Variants in LMNB2 observed in about 807,000 individuals in gnomAD.
The protein encoded by LMNB2 is lamin B2, also known as lamin-B2.
A neutral mutation model predicts 69.3 loss-of-function variants in LMNB2; 17 were observed. The observed-to-expected ratio is 0.25, with a 90% confidence interval of 0.17 to 0.37. The LOEUF is 0.37. Among genes scored for constraint, LMNB2 ranks in the 10% least tolerant of loss-of-function variants. The probability of loss-of-function intolerance (pLI) is 1.00; values close to 1 mark genes in which losing one functional copy is unlikely to be tolerated. For missense variants in LMNB2, 789 were observed against 883.6 expected (o/e 0.89, Z 1.36); for synonymous variants, 397 against 389.3 (o/e 1.02, Z -0.23).
chr19:2,442,897 A>G (rs1245606912), intron 2 of LMNB2, among the ~76,000 whole-genome samples: 1 of 152,228 alleles, frequency 6.6e-6, no homozygotes. Flanking sequence ...GTACATTTCA[A>G]CATCTTAAAG....
In LMNB2 at chr19:2,453,129, C is replaced by G. The variant is rs560887762; in HGVS notation, c.264+3541G>C. Among the ~76,000 whole-genome samples the G allele has an allele frequency of 6.6e-6, 1 of 152,046 alleles. No homozygotes were observed. The highest frequency in any genetic ancestry group is 6.6e-5 in the Admixed American group (1 of 15,266). ...CGTGGGGGCCAGGTGATTCTCTTCT[C>G]GGGGCGCTGAGCAGTACCCAGCCTC... On this transcript the variant is annotated intron_variant, in intron 1 of 11. Coordinates refer to ENST00000325327, the MANE Select transcript of LMNB2 (RefSeq NM_032737.4). This position sits in a 1 kb window ranked among gnomAD's most constrained non-coding sequence, Gnocchi z 4.4.
chr19:2,439,784 A>G (rs565694863), intron 2 of LMNB2, among the ~76,000 whole-genome samples: 101 of 150,010 alleles, frequency 6.7e-4, no homozygotes, highest in Admixed American at 3.1e-3. Context: ...CCCAGGCTGG[A>G]TTGCAATGGC....
intron 1 of LMNB2, among the ~76,000 whole-genome samples, chr19:2,448,352 C>T (rs1224182790): frequency 6.6e-6 from 1 of 152,214 alleles, no homozygotes; most frequent in Non-Finnish European, 1.5e-5. Context: ...TCTCCTGTCC[C>T]CACAGAGAGA....
rs536715018 is a variant in LMNB2 at position 2,453,056 on chromosome 19, G to C, written c.264+3614C>G. Among the ~76,000 whole-genome samples, 6 of 150,092 alleles carry C rather than the reference G, an allele frequency of 4.0e-5. No individual in the cohort carries two copies. Among genetic ancestry groups the C allele is most frequent in the East Asian group, 3.9e-4 (2 of 5,074 alleles). The stretch of plus-strand genomic sequence containing the variant: ...GGCTGGGTCATCCTCGTGGGGGCTG[G>C]GTCATCCTCATGGGGCTGGGTCATC... On this transcript the variant is annotated intron_variant, in intron 1 of 11. Coordinates refer to ENST00000325327, the MANE Select transcript of LMNB2 (RefSeq NM_032737.4). The surrounding 1 kb of genome is among the most constrained non-coding windows in gnomAD (Gnocchi z 4.4).
rs530902191 is a variant in LMNB2, at chr19:2,434,826, C to T, written c.943G>A (p.Glu315Lys). ...EELKEARMRLESLSYQLSGLQ... is the reference protein window; with the variant it reads ...EELKEARMRLKSLSYQLSGLQ... ...CCGGAGAGCTGGTAGCTGAGGGACT[C>T]CAGGCGCATGCGGGCCTCCTTCAGC... Residue 315 changes from glutamate (E) to lysine (K), a missense_variant, in exon 6 of 12, where the codon GAG (glutamate) becomes AAG (lysine). Physicochemically the swap from Glu to Lys is moderately conservative, Grantham distance 56. Transcript: ENST00000325327. The T allele has an allele frequency of 2.5e-6, 4 of 1,609,078 alleles. No homozygotes were observed. In the African/African-American group the frequency reaches 5.3e-5, roughly 21 times the overall value.
chr19:2,444,261 G>T, intron 2 of LMNB2, 143 bp downstream of exon 2: 1 of 959,926 alleles, frequency 1.0e-6, no homozygotes, highest in Non-Finnish European at 1.6e-6. Context: ...GCAGCCACTG[G>T]TGGGGGAGAG....
chr19:2,430,715 C>T lies in LMNB2; in HGVS notation c.*196G>A. On this transcript the variant is annotated 3_prime_UTR_variant, in exon 12 of 12. Coordinates refer to ENST00000325327, the MANE Select transcript of LMNB2 (RefSeq NM_032737.4). ...GGGTGGGATTGAAAAGTCTCCGGGGCAGCGGCGAAGTGGCAGCGAAGTGAG... is the reference window on the plus strand; with the variant it reads ...GGGTGGGATTGAAAAGTCTCCGGGGTAGCGGCGAAGTGGCAGCGAAGTGAG... The T allele has an allele frequency of 1.5e-6, 1 of 667,794 alleles. No individual in the cohort carries two copies. The highest frequency in any genetic ancestry group is 2.8e-6 in the Non-Finnish European group (1 of 361,476). The allele number at this position is 667,794 out of a possible 1,614,324, so 41.4% of individuals were successfully genotyped here.
chr19:2,446,668 G>A (rs1050061300), intron 1 of LMNB2, among the ~76,000 whole-genome samples: 1 of 152,228 alleles, frequency 6.6e-6, no homozygotes, highest in African/African-American at 2.4e-5. Context: ...CGCAGGTGCG[G>A]GCGAGTACGC....
intron 2 of LMNB2, among the ~76,000 whole-genome samples, chr19:2,442,842 A>G (rs1222070078): frequency 2.0e-5 from 3 of 151,876 alleles, no homozygotes; most frequent in Non-Finnish European, 4.4e-5. Flanking sequence ...ACTGTGTACC[A>G]TTTTCTTTTT....
chr19:2,434,157 C>A, intron 7 of LMNB2, 52 bp from the exon 8 acceptor site: 1 of 1,556,862 alleles, frequency 6.4e-7, no homozygotes, highest in East Asian at 2.4e-5. Flanking sequence ...CCAGACAGCC[C>A]AGGGCACGCA....
At chr19:2,434,609 A>G (rs1438735384) in intron 6 of LMNB2, 94 bp from the exon 7 acceptor site, 1 of 1,513,326 alleles carries the variant, frequency 6.6e-7, no homozygotes, top group Non-Finnish European at 8.9e-7. Context: ...CTCACCACAG[A>G]CTGGGGCAGA....
chr19:2,430,787 C>A lies in LMNB2; in HGVS notation c.*124G>T. On this transcript the variant is annotated 3_prime_UTR_variant, in exon 12 of 12. Transcript: ENST00000325327. ...GGGAGGGCTGGGGGAGACCCACCCA[C>A]ACGTTCTGGCAGTTCGCTTAGAAAT... The A allele has an allele frequency of 1.3e-6, 1 of 789,184 alleles. No individual in the cohort carries two copies. The highest frequency in any genetic ancestry group is 2.3e-6 in the Non-Finnish European group (1 of 440,190). 48.9% of individuals were successfully genotyped at this position (789,184 alleles called of 1,614,324 possible). A position where few individuals can be genotyped will look rare whatever the true frequency, so the allele number is the denominator to read the frequency against.
chr19:2,432,328 A>ACC, intron 9 of LMNB2, 88 bp downstream of exon 9: 12 of 384,252 alleles, frequency 3.1e-5, no homozygotes, highest in South Asian at 8.2e-5. Context: ...ATCCCCACCC[A>ACC]CCCCCGCCAA....
intron 2 of LMNB2, among the ~76,000 whole-genome samples, chr19:2,442,884 C>T (rs1015125156): frequency 6.6e-6 from 1 of 152,286 alleles, no homozygotes; most frequent in East Asian, 1.9e-4. Flanking sequence ...AAATTCACAT[C>T]CTGTACATTT....
intron 4 of LMNB2, 62 bp from the exon 5 acceptor site, chr19:2,435,233 G>C: frequency 6.3e-7 from 1 of 1,586,194 alleles, no homozygotes; most frequent in Non-Finnish European, 8.5e-7. Flanking sequence ...AGGCCCAAGG[G>C]AGGGCTCAAA....
chr19:2,436,283 A>G (rs1971820323), intron 4 of LMNB2, among the ~76,000 whole-genome samples: 1 of 152,208 alleles, frequency 6.6e-6, no homozygotes, highest in South Asian at 2.1e-4. Flanking sequence ...ACTCCGTCTC[A>G]AAAGAAAAAA....
chr19:2,433,954 G>C lies in LMNB2; in HGVS notation c.1354C>G (p.Leu452Val), dbSNP rs772768993. 2 of 1,611,714 alleles carry C rather than the reference G, an allele frequency of 1.2e-6. No homozygotes were observed. Among genetic ancestry groups the C allele is most frequent in the South Asian group, 2.2e-5 (2 of 91,048 alleles). ...CCGCTGCCACCCGTGCCCGTGCCCA[G>C]GACGCTTGGGCCGCTGCCCAAGGGC... ...EEPLGSGPSV[L>V]GTGTGGSGGF... Residue 452 changes from leucine (L) to valine (V), a missense_variant, in exon 8 of 12, where the codon CTG becomes GTG. Transcript: ENST00000325327.
rs1971729899 is a variant in LMNB2, at chr19:2,430,786, A to C, written c.*125T>G. 5.1e-6 allele frequency: 4 copies of C among 787,050 alleles called. No individual in the cohort carries two copies. Among genetic ancestry groups the C allele is most frequent in the African/African-American group, 1.7e-5 (1 of 59,242 alleles). 48.8% of individuals were successfully genotyped at this position (787,050 alleles called of 1,614,324 possible). A position where few individuals can be genotyped will look rare whatever the true frequency, so the allele number is the denominator to read the frequency against. On this transcript the variant is annotated 3_prime_UTR_variant, in exon 12 of 12. Coordinates refer to ENST00000325327, the MANE Select transcript of LMNB2 (RefSeq NM_032737.4). ...AGGGAGGGCTGGGGGAGACCCACCC[A>C]CACGTTCTGGCAGTTCGCTTAGAAA...
intron 6 of LMNB2, 84 bp from the exon 7 acceptor site, chr19:2,434,599 CTCACCACAGACTGGG>C (rs1971796475): frequency 6.5e-7 from 1 of 1,531,708 alleles, no homozygotes; most frequent in African/African-American, 1.4e-5. Flanking sequence ...GAGATGGGCC[CTCACCACAGACTGGG>C]GCAGAGACCA....
Sources: gnomAD v4.1 joint callset for allele counts (sites outside exome capture counted in the v4.1 genomes callset) on GRCh38, gnomAD v4.1.1 for gene constraint, Gnocchi (gnomAD v3.1) non-coding constraint, MANE v1.5 for transcripts, NCBI Gene and HGNC (gene_info 2026-07-23, HGNC 2026-07-21) for gene names.